Variants in PCDHA4 observed in about 807,000 individuals in gnomAD.
PCDHA4 encodes the protein protocadherin alpha 4.
Under a neutral mutation model 61.4 loss-of-function variants are expected in PCDHA4, and 49 were observed. The observed-to-expected ratio is 0.80, with a 90% CI of 0.63 to 1.01. The LOEUF (loss-of-function observed/expected upper bound fraction) is 1.01, where lower values mean the gene tolerates loss of function less well. PCDHA4 is among the 50% of genes least tolerant of loss of function. The pLI is 0.00. For synonymous variants in PCDHA4, 590 were observed against 550.3 expected (o/e 1.07, Z -1.01); for missense variants, 1,254 against 1,235.8 (o/e 1.01, Z -0.22).
chr5:140,845,305 G>A lies in PCDHA4; in HGVS notation c.2385+35733G>A, dbSNP rs2150378227. Among the ~76,000 whole-genome samples the A allele has an allele frequency of 3.4e-4, 51 of 149,092 alleles. 5 individuals carry two copies. The highest frequency in any genetic ancestry group is 6.7e-4 in the Non-Finnish European group (45 of 66,692). On this transcript the variant is annotated intron_variant, in intron 1 of 3. Transcript: ENST00000530339. ...TTCCTATCCTGTCTATGTCTACCTG[G>A]TTCTCAGGTATTACTTTAATTACTG...
At chr5:140,927,494 T>C (rs1235909927) in intron 1 of PCDHA4, 5 of 1,614,018 alleles carry the variant, frequency 3.1e-6, no homozygotes, top group Non-Finnish European at 4.2e-6. Context: ...ACCCACCTGC[T>C]GGTGCTTACA....
intron 1 of PCDHA4, chr5:140,822,362 G>A (rs2150115784): frequency 6.2e-7 from 1 of 1,614,122 alleles, no homozygotes; most frequent in Non-Finnish European, 8.5e-7. Context: ...CTGGTTTTGA[G>A]GAAATCCTTA....
intron 3 of PCDHA4, among the ~76,000 whole-genome samples, chr5:141,007,295 A>G (rs181235064): frequency 1.6e-3 from 250 of 151,912 alleles, no homozygotes; most frequent in Non-Finnish European, 2.9e-3. Context: ...TCATGCCTGT[A>G]ATCTTAGCAT....
intron 1 of PCDHA4, chr5:140,822,943 C>T (rs1554128961): frequency 3.1e-6 from 5 of 1,614,116 alleles, no homozygotes; most frequent in Admixed American, 1.7e-5. Context: ...CTCCCTAATG[C>T]CCCACGTTCC....
At chr5:140,940,470 A>AT (rs201096499) in intron 1 of PCDHA4, among the ~76,000 whole-genome samples, 9 of 149,600 alleles carry the variant, frequency 6.0e-5, no homozygotes, top group East Asian at 5.9e-4. Context: ...GTTCCCTGCA[A>AT]TTTTTTTTTT....
chr5:140,926,065 G>A (rs1302106382), intron 1 of PCDHA4, among the ~76,000 whole-genome samples: 3 of 152,176 alleles, frequency 2.0e-5, no homozygotes, highest in Non-Finnish European at 2.9e-5. Context: ...TCCCCTCCTT[G>A]TCGTCTCTAT....
intron 1 of PCDHA4, chr5:140,858,148 C>A: frequency 6.3e-7 from 1 of 1,597,640 alleles, no homozygotes; most frequent in Non-Finnish European, 8.6e-7. Context: ...ACCTGATCAT[C>A]GCCATCTGCG....
At chr5:140,960,551 G>T (rs2095555454) in intron 1 of PCDHA4, among the ~76,000 whole-genome samples, 1 of 152,102 alleles carries the variant, frequency 6.6e-6, no homozygotes, top group Admixed American at 6.5e-5. Flanking sequence ...CCTTCATATA[G>T]ACTGAGCTTA....
At chr5:140,875,772 G>A (rs781933974) in intron 1 of PCDHA4, 37 of 1,614,136 alleles carry the variant, frequency 2.3e-5, no homozygotes, top group South Asian at 3.3e-5. Flanking sequence ...GGCGGAGCGC[G>A]GAGTGCAGTA....
chr5:140,871,489 G>A (rs782277615), intron 1 of PCDHA4: 6 of 1,590,138 alleles, frequency 3.8e-6, no homozygotes, highest in Non-Finnish European at 5.1e-6. Flanking sequence ...AAATCACCCC[G>A]GACAGGTGAG....
intron 3 of PCDHA4, among the ~76,000 whole-genome samples, chr5:141,008,980 A>C (rs533099581): frequency 6.6e-6 from 1 of 152,374 alleles, no homozygotes; most frequent in African/African-American, 2.4e-5. Context: ...GCCAAAGTTT[A>C]ATCTAGACAC....
intron 1 of PCDHA4, chr5:140,883,678 G>C: frequency 1.2e-6 from 2 of 1,613,902 alleles, no homozygotes; most frequent in Non-Finnish European, 1.7e-6. Context: ...ACAATCCGCC[G>C]GGCTGCCACA....
intron 1 of PCDHA4, chr5:140,849,795 T>C (rs2150450595): frequency 6.3e-7 from 1 of 1,598,164 alleles, no homozygotes; most frequent in Non-Finnish European, 8.6e-7. Flanking sequence ...GGGCTCGCCT[T>C]CACTGTGGGC....
chr5:140,914,957 T>C (rs1355119889), intron 1 of PCDHA4, among the ~76,000 whole-genome samples: 1 of 150,770 alleles, frequency 6.6e-6, no homozygotes, highest in Non-Finnish European at 1.5e-5. Flanking sequence ...TTTTTTTTTT[T>C]TTTTTCTGAG....
intron 1 of PCDHA4, among the ~76,000 whole-genome samples, chr5:140,906,844 G>C (rs1295549477): frequency 6.6e-6 from 1 of 152,192 alleles, no homozygotes; most frequent in Non-Finnish European, 1.5e-5. Context: ...TTCATCTTGA[G>C]AGTCTGGGTC....
intron 1 of PCDHA4, among the ~76,000 whole-genome samples, chr5:140,972,168 G>T (rs969968770): frequency 2.6e-5 from 4 of 152,064 alleles, no homozygotes; most frequent in African/African-American, 9.7e-5. Context: ...TTGAGACAGA[G>T]TCTTGGCCTG....
At chr5:140,893,548 C>T (rs2064047739) in intron 1 of PCDHA4, among the ~76,000 whole-genome samples, 1 of 152,126 alleles carries the variant, frequency 6.6e-6, no homozygotes, top group Non-Finnish European at 1.5e-5. Flanking sequence ...TAGGACTTAT[C>T]TAGTTGTAGT....
chr5:140,886,815 A>G (rs1251237856), intron 1 of PCDHA4, among the ~76,000 whole-genome samples: 1 of 149,622 alleles, frequency 6.7e-6, no homozygotes, highest in African/African-American at 2.5e-5. Context: ...TGACAGAGCA[A>G]GACTTCGTCT....
At chr5:140,835,832 C>T in intron 1 of PCDHA4, 1 of 1,612,382 alleles carries the variant, frequency 6.2e-7, no homozygotes, top group Non-Finnish European at 8.5e-7. Flanking sequence ...GGGACGCGGA[C>T]GCGCAGAAGA....
Sources: gnomAD v4.1 joint callset for allele counts (sites outside exome capture counted in the v4.1 genomes callset) on GRCh38, gnomAD v4.1.1 for gene constraint, MANE v1.5 for transcripts, NCBI Gene and HGNC (gene_info 2026-07-23, HGNC 2026-07-21) for gene names.